Variants in DNAJC1 observed in about 807,000 individuals in gnomAD.
The protein encoded by DNAJC1 is DnaJ heat shock protein family (Hsp40) member C1, also known as dnaJ homolog subfamily C member 1.
Under a neutral mutation model 76.6 loss-of-function variants are expected in DNAJC1, and 58 were observed. That is an observed-to-expected ratio of 0.76 (90% CI 0.61 to 0.94). DNAJC1 has a LOEUF of 0.94. Ranked by LOEUF, DNAJC1 falls within the 40% of genes least tolerant of loss-of-function variation. DNAJC1 has a pLI of 0.00. For synonymous variants in DNAJC1, 258 were observed against 267.9 expected (o/e 0.96, Z 0.36); for missense variants, 689 against 677.3 (o/e 1.02, Z -0.19).
chr10:21,868,591 T>C lies in DNAJC1; in HGVS notation c.978+13691A>G, dbSNP rs76675751. Among the ~76,000 whole-genome samples, 528 of 152,158 alleles carry C rather than the reference T, an allele frequency of 3.5e-3. 3 individuals carry two copies. Among genetic ancestry groups the C allele is most frequent in the African/African-American group, 0.012 (498 of 41,440 alleles). The stretch of plus-strand genomic sequence containing the variant: ...CTCAAGAGGTCACATACTGAATGAT[T>C]CCATTTAGATCCTCAAAATGATATT... On this transcript the variant is annotated intron_variant, in intron 8 of 11. Coordinates refer to ENST00000376980, the MANE Select transcript of DNAJC1 (RefSeq NM_022365.4).
intron 1 of DNAJC1, among the ~76,000 whole-genome samples, chr10:21,952,662 G>A (rs1837618870): frequency 6.6e-6 from 1 of 152,122 alleles, no homozygotes; most frequent in Admixed American, 6.5e-5. Context: ...GGTAGGCTGA[G>A]GTGGGAGAAT....
At chr10:21,900,927 C>T (rs79806134) in intron 7 of DNAJC1, among the ~76,000 whole-genome samples, 5,303 of 152,230 alleles carry the variant, frequency 0.035, 165 homozygotes, top group Middle Eastern at 0.068. Flanking sequence ...AACTACTTTC[C>T]TCATGAACCT....
At chr10:21,853,787 CAA>C (rs1011936425) in intron 8 of DNAJC1, among the ~76,000 whole-genome samples, 62 of 12,586 alleles carry the variant, frequency 4.9e-3, no homozygotes, top group African/African-American at 0.013. Context: ...GACTCCATCT[CAA>C]AAAAAAAAAA....
At chr10:21,843,264 T>C (rs1039057324) in intron 8 of DNAJC1, among the ~76,000 whole-genome samples, 8 of 152,214 alleles carry the variant, frequency 5.3e-5, no homozygotes, top group African/African-American at 1.7e-4. Context: ...TTAGCTAACT[T>C]TGTAATCTCT....
intron 7 of DNAJC1, among the ~76,000 whole-genome samples, chr10:21,891,506 A>G (rs905397064): frequency 3.3e-5 from 5 of 151,090 alleles, no homozygotes; most frequent in South Asian, 4.1e-4. Context: ...GAAAAGAAAA[A>G]AAAAAGAACA....
At chr10:21,851,086 C>A (rs192622850) in intron 8 of DNAJC1, among the ~76,000 whole-genome samples, 1 of 152,098 alleles carries the variant, frequency 6.6e-6, no homozygotes, top group Non-Finnish European at 1.5e-5. Flanking sequence ...GTAAAATTCA[C>A]GCTCTTGGAT....
Position 21,984,197 on chromosome 10 carries a change from C to T in DNAJC1, c.222+19016G>A, listed in dbSNP as rs1292396218. On this transcript the variant is annotated intron_variant, in intron 1 of 11. Coordinates refer to ENST00000376980, the MANE Select transcript of DNAJC1 (RefSeq NM_022365.4). ...TAGAAAAATTACTTAAAGAACAACC[C>T]CTCATACAGGTAGGTAAGAACGGTA... Among the ~76,000 whole-genome samples, 6 of 151,974 alleles carry T rather than the reference C, an allele frequency of 3.9e-5. 1 individual carries two copies. Among genetic ancestry groups the T allele is most frequent in the Admixed American group, 3.9e-4 (6 of 15,254 alleles).
At chr10:21,951,066 C>T (rs1837586672) in intron 1 of DNAJC1, among the ~76,000 whole-genome samples, 2 of 152,022 alleles carry the variant, frequency 1.3e-5, no homozygotes, top group African/African-American at 2.4e-5. Flanking sequence ...GATGGCCAGG[C>T]GAGGTGGCAC....
At chr10:21,771,564 T>G (rs1248951320) in intron 9 of DNAJC1, among the ~76,000 whole-genome samples, 1 of 152,188 alleles carries the variant, frequency 6.6e-6, no homozygotes, top group African/African-American at 2.4e-5. Context: ...AATGGCACGA[T>G]CTCGGCTGAC....
At chr10:21,951,801 A>G (rs1023438591) in intron 1 of DNAJC1, among the ~76,000 whole-genome samples, 5 of 152,230 alleles carry the variant, frequency 3.3e-5, no homozygotes, top group Non-Finnish European at 7.3e-5. Flanking sequence ...TTACAAGTTC[A>G]CTTTGTTACA....
At chr10:21,972,478 TAGC>T (rs1355760352) in intron 1 of DNAJC1, among the ~76,000 whole-genome samples, 3 of 152,168 alleles carry the variant, frequency 2.0e-5, no homozygotes, top group South Asian at 2.1e-4. Context: ...TTCTCAAAAT[TAGC>T]AGCAGCTTTA....
intron 8 of DNAJC1, among the ~76,000 whole-genome samples, chr10:21,881,873 G>A (rs962278555): frequency 2.2e-5 from 3 of 137,386 alleles, no homozygotes; most frequent in African/African-American, 8.3e-5. Flanking sequence ...AAAAAAAACC[G>A]GCCAGGCACG....
chr10:21,757,644 C>T (rs528731512), intron 11 of DNAJC1, among the ~76,000 whole-genome samples: 84 of 152,316 alleles, frequency 5.5e-4, no homozygotes, highest in African/African-American at 2.0e-3. Flanking sequence ...TCCTTAGTAG[C>T]TATGCTGTCC....
chr10:21,871,022 GAAGACAGGTTTAA>G (rs1385017908), intron 8 of DNAJC1, among the ~76,000 whole-genome samples: 4 of 152,128 alleles, frequency 2.6e-5, no homozygotes, highest in Middle Eastern at 3.4e-3. Context: ...TACCTCCCTG[GAAGACAGGTTTAA>G]AAGGCTTGTA....
intron 8 of DNAJC1, among the ~76,000 whole-genome samples, chr10:21,807,951 T>C (rs945391611): frequency 3.5e-4 from 53 of 152,224 alleles, no homozygotes; most frequent in Admixed American, 3.3e-3. Context: ...AGAAATATAA[T>C]TGGATTTTCA....
At chr10:21,885,960 G>T (rs577654535) in intron 7 of DNAJC1, among the ~76,000 whole-genome samples, 1 of 152,202 alleles carries the variant, frequency 6.6e-6, no homozygotes, top group African/African-American at 2.4e-5. Flanking sequence ...TGCAAAGATA[G>T]CAGGAGACAA....
intron 6 of DNAJC1, among the ~76,000 whole-genome samples, chr10:21,911,887 A>T (rs542566701): frequency 2.4e-4 from 37 of 152,332 alleles, no homozygotes; most frequent in Non-Finnish European, 4.4e-4. Context: ...TAGGCTTTGT[A>T]TTAGATTATT....
chr10:21,793,262 T>C (rs1387084875), intron 9 of DNAJC1, among the ~76,000 whole-genome samples: 2 of 152,220 alleles, frequency 1.3e-5, no homozygotes, highest in East Asian at 3.9e-4. Context: ...GCTGAGATTG[T>C]GCCATTGCTC....
chr10:21,944,623 T>A (rs1011702735), intron 1 of DNAJC1, among the ~76,000 whole-genome samples: 1 of 152,146 alleles, frequency 6.6e-6, no homozygotes, highest in African/African-American at 2.4e-5. Context: ...GAGAGAGAAT[T>A]AAAATACTGT....
Sources: allele counts gnomAD v4.1 joint callset (sites outside exome capture counted in the v4.1 genomes callset), GRCh38; gene constraint gnomAD v4.1.1; transcripts MANE v1.5; gene names NCBI Gene and HGNC (gene_info 2026-07-23, HGNC 2026-07-21).